ABL2: variants seen among roughly 807,000 people sequenced by gnomAD.
ABL2 encodes ABL proto-oncogene 2, non-receptor tyrosine kinase.
A neutral mutation model predicts 107.7 loss-of-function variants in ABL2; 49 were observed. That is an observed-to-expected ratio of 0.45 (90% CI 0.36 to 0.58). The LOEUF is 0.58. Ranked by LOEUF, ABL2 falls within the 20% of genes least tolerant of loss-of-function variation. ABL2 has a pLI of 0.00. For synonymous variants in ABL2, 549 were observed against 548.6 expected, an observed-to-expected ratio of 1.00 and a Z score of -0.01; for missense variants, 1,245 against 1,457.0, an observed-to-expected ratio of 0.85 and a Z score of 2.37.
intron 1 of ABL2, among the ~76,000 whole-genome samples, chr1:179,136,433 C>T (rs1656988485): frequency 6.6e-6 from 1 of 152,186 alleles, no homozygotes. Flanking sequence ...CTCCCTGAAA[C>T]ATGTGCTGCA....
chr1:179,117,793 G>A (rs1654794461), intron 7 of ABL2, among the ~76,000 whole-genome samples: 1 of 152,072 alleles, frequency 6.6e-6, no homozygotes, highest in Non-Finnish European at 1.5e-5. Context: ...ACAAGACTAA[G>A]TTATTTACTA....
chr1:179,157,015 G>C (rs1044597011), intron 1 of ABL2, among the ~76,000 whole-genome samples: 1 of 152,062 alleles, frequency 6.6e-6, no homozygotes. Context: ...TGTTATCGCT[G>C]GCTTTATTTA....
chr1:179,113,072 G>A (rs905125185), intron 9 of ABL2, among the ~76,000 whole-genome samples: 2 of 152,092 alleles, frequency 1.3e-5, no homozygotes, highest in Admixed American at 6.6e-5. Context: ...CACACACAGC[G>A]ATCTCAAGCT....
chr1:179,165,937 A>T (rs1449233525), intron 1 of ABL2, among the ~76,000 whole-genome samples: 3 of 152,022 alleles, frequency 2.0e-5, no homozygotes, highest in African/African-American at 7.2e-5. Context: ...CTGGGATTAC[A>T]GGCACATGCT....
intron 1 of ABL2, among the ~76,000 whole-genome samples, chr1:179,149,885 A>C (rs1658259986): frequency 6.6e-6 from 1 of 152,210 alleles, no homozygotes; most frequent in South Asian, 2.1e-4. Flanking sequence ...TGAACACAAC[A>C]TCCATTCTGC....
chr1:179,148,379 G>C (rs1167938717), intron 1 of ABL2, among the ~76,000 whole-genome samples: 1 of 152,120 alleles, frequency 6.6e-6, no homozygotes, highest in African/African-American at 2.4e-5. Context: ...TCATGTTTCT[G>C]TGTCACCTTG....
chr1:179,217,337 G>A (rs993882330), intron 1 of ABL2, among the ~76,000 whole-genome samples: 4 of 148,162 alleles, frequency 2.7e-5, no homozygotes, highest in Non-Finnish European at 4.5e-5. Context: ...CGCTCGGCCT[G>A]TGGCTCAGTC....
At position 179,101,134 on chromosome 1, in the gene ABL2, C is replaced by T. The variant is rs1653053246; in HGVS notation, c.*6584G>A. The stretch of plus-strand genomic sequence containing the variant: ...CTCTAGTTCAATAATCATGCAAAAT[C>T]AACCCAGCTGACAAGTCTTTTCCTC... On this transcript the variant is annotated 3_prime_UTR_variant, in exon 12 of 12. Transcript: ENST00000502732. 1.3e-5 allele frequency: 3 copies of T among 230,004 alleles called. No homozygotes were observed. The highest frequency in any genetic ancestry group is 6.6e-5 in the African/African-American group (3 of 45,140). 14.2% of individuals were successfully genotyped at this position (230,004 alleles called of 1,614,324 possible).
chr1:179,140,899 T>A (rs1657517146), intron 1 of ABL2, among the ~76,000 whole-genome samples: 1 of 151,832 alleles, frequency 6.6e-6, no homozygotes, highest in Non-Finnish European at 1.5e-5. Flanking sequence ...ATCCCAGCAC[T>A]TTGGGAGGCC....
intron 1 of ABL2, among the ~76,000 whole-genome samples, chr1:179,180,435 G>A (rs1249019665): frequency 6.6e-6 from 1 of 152,224 alleles, no homozygotes; most frequent in Non-Finnish European, 1.5e-5. Flanking sequence ...AGGAGAGGAA[G>A]GAGCTGATAT....
At chr1:179,140,293 T>C (rs575380956) in intron 1 of ABL2, among the ~76,000 whole-genome samples, 1 of 152,212 alleles carries the variant, frequency 6.6e-6, no homozygotes, top group South Asian at 2.1e-4. Flanking sequence ...GCTTTTCCTT[T>C]TGCCTAAAAC....
At chr1:179,114,840 C>T in intron 9 of ABL2, 38 bp downstream of exon 9, 2 of 1,568,014 alleles carry the variant, frequency 1.3e-6, no homozygotes, top group Non-Finnish European at 1.7e-6. Flanking sequence ...GAACTGCTAG[C>T]TTATGCCTTC....
chr1:179,167,640 C>CTT (rs1486284823), intron 1 of ABL2, among the ~76,000 whole-genome samples: 1 of 152,118 alleles, frequency 6.6e-6, no homozygotes, highest in African/African-American at 2.4e-5. Context: ...CTGACTTAAC[C>CTT]ATTACTCATT....
At chr1:179,155,372 C>A (rs181144414) in intron 1 of ABL2, among the ~76,000 whole-genome samples, 1 of 152,320 alleles carries the variant, frequency 6.6e-6, no homozygotes, top group East Asian at 1.9e-4. Flanking sequence ...TTACTCCCAG[C>A]AACAGGGTAA....
At position 179,121,724 on chromosome 1, in the gene ABL2, G is replaced by T; in HGVS notation, c.831C>A (p.Ile277=). ...TTCGCTCCATTTCCCATTTGTCGTG[G>T]ATGGGGGACACACCATAGACTGTAG... The part of the protein sequence containing the change: ...NKPTVYGVSP[I]HDKWEMERTD... Residue 277 remains isoleucine (I), a synonymous_variant, in exon 5 of 12, where the codon ATC becomes ATA. Coordinates refer to ENST00000502732, the MANE Select transcript of ABL2 (RefSeq NM_007314.4). The T allele has an allele frequency of 6.2e-7, 1 of 1,614,028 alleles. No individual in the cohort carries two copies. The highest frequency in any genetic ancestry group is 8.5e-7 in the Non-Finnish European group (1 of 1,180,014).
At chr1:179,184,962 C>T (rs1446058143) in intron 1 of ABL2, among the ~76,000 whole-genome samples, 1 of 152,122 alleles carries the variant, frequency 6.6e-6, no homozygotes, top group African/African-American at 2.4e-5. Flanking sequence ...CCACCTAGCT[C>T]TGTCGGAAAA....
At chr1:179,141,838 A>C (rs1657621991) in intron 1 of ABL2, among the ~76,000 whole-genome samples, 1 of 152,254 alleles carries the variant, frequency 6.6e-6, no homozygotes, top group Non-Finnish European at 1.5e-5. Flanking sequence ...AAAGAGAAAA[A>C]CACCCTAACA....
At chr1:179,122,897 T>C (rs994866827) in intron 4 of ABL2, among the ~76,000 whole-genome samples, 1 of 152,086 alleles carries the variant, frequency 6.6e-6, no homozygotes, top group Non-Finnish European at 1.5e-5. Flanking sequence ...TAACCTCAAG[T>C]GATCTGCCTG....
At chr1:179,175,482 T>C (rs1659988235) in intron 1 of ABL2, among the ~76,000 whole-genome samples, 1 of 152,190 alleles carries the variant, frequency 6.6e-6, no homozygotes, top group African/African-American at 2.4e-5. Context: ...GCCAAGAATG[T>C]TTCACAATAA....
Sources: gnomAD v4.1 joint callset for allele counts (sites outside exome capture counted in the v4.1 genomes callset) on GRCh38, gnomAD v4.1.1 for gene constraint, MANE v1.5 for transcripts, NCBI Gene and HGNC (gene_info 2026-07-23, HGNC 2026-07-21) for gene names.